Variants in CDH8 observed in about 807,000 individuals in gnomAD.
The protein encoded by CDH8 is cadherin-8.
CDH8 carries 17 observed loss-of-function variants against 68.1 expected under a neutral mutation model. The ratio of observed to expected loss-of-function variants is 0.25; its 90% CI spans 0.17 to 0.37. The LOEUF is 0.37. Ranked by LOEUF, CDH8 falls within the 10% of genes least tolerant of loss-of-function variation. The pLI, the probability that CDH8 is intolerant of heterozygous loss-of-function variation, is 1.00. For missense variants in CDH8, 763 were observed against 999.3 expected, an observed-to-expected ratio of 0.76 and a Z score of 3.19; for synonymous variants, 372 against 365.1, an observed-to-expected ratio of 1.02 and a Z score of -0.21.
chr16:61,753,164 G>A (rs1960215651), intron 8 of CDH8, among the ~76,000 whole-genome samples: 1 of 151,682 alleles, frequency 6.6e-6, no homozygotes, highest in African/African-American at 2.4e-5. Flanking sequence ...AACATTCATA[G>A]TATTTTATTC....
chr16:62,005,408 A>G (rs1018581463), intron 2 of CDH8, among the ~76,000 whole-genome samples: 3 of 152,172 alleles, frequency 2.0e-5, no homozygotes, highest in African/African-American at 7.2e-5. Context: ...CAGAGGTCAC[A>G]AGGCAGTACA....
intron 2 of CDH8, among the ~76,000 whole-genome samples, chr16:62,008,139 G>A (rs1379285471): frequency 6.6e-6 from 1 of 151,894 alleles, no homozygotes; most frequent in African/African-American, 2.4e-5. Context: ...GTCTTGCTGT[G>A]TTGCCCAGTC....
intron 4 of CDH8, among the ~76,000 whole-genome samples, chr16:61,844,691 T>G (rs949763310): frequency 6.6e-6 from 1 of 152,176 alleles, no homozygotes; most frequent in Non-Finnish European, 1.5e-5. Context: ...AGTATTTGAT[T>G]ATTGCAATTT....
intron 2 of CDH8, among the ~76,000 whole-genome samples, chr16:61,963,036 T>G (rs1348388536): frequency 6.6e-6 from 1 of 152,218 alleles, no homozygotes; most frequent in Non-Finnish European, 1.5e-5. Flanking sequence ...CCTTAAAATT[T>G]TTCCTGTCGA....
intron 2 of CDH8, among the ~76,000 whole-genome samples, chr16:62,020,113 G>A (rs548506699): frequency 1.3e-5 from 2 of 152,270 alleles, no homozygotes; most frequent in Admixed American, 6.5e-5. Flanking sequence ...AGACAATAGG[G>A]TAAAAGCAGT....
intron 2 of CDH8, among the ~76,000 whole-genome samples, chr16:61,978,924 G>A (rs1965486244): frequency 6.6e-6 from 1 of 151,960 alleles, no homozygotes; most frequent in South Asian, 2.1e-4. Context: ...ATCCCTGTTT[G>A]AGTCTGCAAA....
At chr16:61,769,310 T>C (rs1960718375) in intron 8 of CDH8, among the ~76,000 whole-genome samples, 2 of 151,844 alleles carry the variant, frequency 1.3e-5, no homozygotes, top group Admixed American at 6.6e-5. Flanking sequence ...ATGTTTCAAT[T>C]ACTCACTTTA....
intron 10 of CDH8, among the ~76,000 whole-genome samples, chr16:61,706,369 G>A (rs542099908): frequency 1.3e-5 from 2 of 152,254 alleles, no homozygotes; most frequent in South Asian, 4.1e-4. Flanking sequence ...TGTAATCCCA[G>A]CACTTTGGGA....
intron 10 of CDH8, among the ~76,000 whole-genome samples, chr16:61,673,886 C>G (rs1445282757): frequency 6.6e-6 from 1 of 152,072 alleles, no homozygotes; most frequent in Non-Finnish European, 1.5e-5. Flanking sequence ...CTGCAGAAAA[C>G]AGATCTTGTG....
At chr16:61,741,961 T>C (rs983169785) in intron 8 of CDH8, among the ~76,000 whole-genome samples, 6 of 152,168 alleles carry the variant, frequency 3.9e-5, no homozygotes, top group African/African-American at 1.2e-4. Context: ...ATTTAGAGAA[T>C]TGACATTTTA....
At chr16:61,940,200 T>G (rs1964691088) in intron 2 of CDH8, 1 of 152,134 alleles carries the variant, frequency 6.6e-6, no homozygotes, top group Admixed American at 6.5e-5. Context: ...CTTTGACATC[T>G]TTCTTACGTC....
rs780824814 is a variant in CDH8 at position 61,654,001 on chromosome 16, A to G, written c.2007T>C (p.Asp669=). The change falls in exon 12 of 12, where the codon GAT becomes GAC. Residue 669 remains aspartate, a synonymous_variant. Coordinates refer to ENST00000577390, the MANE Select transcript of CDH8 (RefSeq NM_001796.5). The part of the protein sequence containing the change: ...DVRENIIRYD[D]EGGGEEDTEA... ...CTGTGTCCTCCTCCCCTCCTCCTTC[A>G]TCATCGTAGCGAATGATGTTTTCTC... The G allele has an allele frequency of 1.8e-5, 29 of 1,613,896 alleles. No homozygotes were observed. The highest frequency in any genetic ancestry group is 2.5e-5 in the Non-Finnish European group (29 of 1,179,936).
At position 61,653,268 on chromosome 16, in the gene CDH8, C is replaced by A; in HGVS notation, c.*340G>T. 1.7e-6 allele frequency: 2 copies of A among 1,170,058 alleles called. No homozygotes were observed. The highest frequency in any genetic ancestry group is 3.2e-5 in the African/African-American group (2 of 63,136). The allele number at this position is 1,170,058 out of a possible 1,614,324, so 72.5% of individuals were successfully genotyped here. ...GTCCGTATTTTTTTTTCTAAGAAAG[C>A]ACCTTTTAATTATGATTTTTTCCTC... On this transcript the variant is annotated 3_prime_UTR_variant, in exon 12 of 12. Transcript: ENST00000577390.
intron 3 of CDH8, among the ~76,000 whole-genome samples, chr16:61,869,765 C>T (rs570697112): frequency 2.5e-4 from 38 of 152,216 alleles, no homozygotes; most frequent in Admixed American, 5.2e-4. Flanking sequence ...ATTTGAAAGA[C>T]GCACAAGAAT....
intron 4 of CDH8, among the ~76,000 whole-genome samples, chr16:61,844,324 A>G (rs1307690780): frequency 1.3e-5 from 2 of 151,118 alleles, no homozygotes; most frequent in Admixed American, 6.6e-5. Context: ...AGATATACCT[A>G]ATGCTAAATG....
intron 7 of CDH8, among the ~76,000 whole-genome samples, chr16:61,799,082 C>A (rs932607186): frequency 6.6e-6 from 1 of 152,112 alleles, no homozygotes; most frequent in Non-Finnish European, 1.5e-5. Flanking sequence ...ATCCTCACTG[C>A]TTACCCCCAG....
chr16:61,830,386 C>T (rs973339911), intron 4 of CDH8, among the ~76,000 whole-genome samples: 1 of 151,724 alleles, frequency 6.6e-6, no homozygotes, highest in African/African-American at 2.4e-5. Flanking sequence ...ACTGTGAATG[C>T]TAAAAAGTGA....
chr16:61,748,742 T>C (rs72796900), intron 8 of CDH8, among the ~76,000 whole-genome samples: 2 of 151,964 alleles, frequency 1.3e-5, no homozygotes, highest in Non-Finnish European at 2.9e-5. Flanking sequence ...CAATGACCAA[T>C]CCTGTCCTAT....
At chr16:61,773,713 C>T (rs1043131399) in intron 8 of CDH8, among the ~76,000 whole-genome samples, 2 of 152,056 alleles carry the variant, frequency 1.3e-5, no homozygotes. Context: ...ATATTAGTTT[C>T]TTTTTTCTTA....
Sources: allele counts gnomAD v4.1 joint callset (sites outside exome capture counted in the v4.1 genomes callset), GRCh38; gene constraint gnomAD v4.1.1; transcripts MANE v1.5; gene names NCBI Gene and HGNC (gene_info 2026-07-23, HGNC 2026-07-21).